The following SNX20 variants were observed in gnomAD, a reference collection of about 807,000 sequenced individuals.
SNX20 encodes sorting nexin-20.
SNX20 carries 21 observed loss-of-function variants against 24.5 expected under a neutral mutation model. The observed-to-expected ratio is 0.86, with a 90% CI of 0.61 to 1.23. The LOEUF is 1.23. Among genes scored for constraint, SNX20 ranks in the 50% most tolerant of loss-of-function variants. The probability of loss-of-function intolerance (pLI) is 0.00; values close to 1 mark genes in which losing one functional copy is unlikely to be tolerated. For missense variants in SNX20, 433 were observed against 430.8 expected, an observed-to-expected ratio of 1.00 and a Z score of -0.04; for synonymous variants, 206 against 192.8, an observed-to-expected ratio of 1.07 and a Z score of -0.57.
intron 2 of SNX20, 121 bp downstream of exon 2, chr16:50,677,276 G>T: frequency 2.3e-6 from 3 of 1,318,892 alleles, no homozygotes; most frequent in South Asian, 1.6e-5. Context: ...GTCTGTTTTG[G>T]GATAACCCAA....
downstream of SNX20, chr16:50,668,307 C>T: frequency 7.4e-7 from 1 of 1,359,158 alleles, no homozygotes; most frequent in Non-Finnish European, 9.6e-7. Flanking sequence ...GAAGTCTCAG[C>T]TTGGTGATTG....
downstream of SNX20, chr16:50,667,668 T>A: frequency 3.0e-6 from 1 of 335,036 alleles, no homozygotes; most frequent in Non-Finnish European, 5.6e-6. Flanking sequence ...GCTGGGGACA[T>A]GTTGGGAGTC....
intron 2 of SNX20, among the ~76,000 whole-genome samples, chr16:50,676,514 T>G (rs143033081): frequency 1.8e-4 from 28 of 152,284 alleles, no homozygotes; most frequent in African/African-American, 6.3e-4. Context: ...TAAACCCCAC[T>G]TGAGCCCTGC....
rs72303410 is a variant in SNX20 at position 50,672,496 on chromosome 16, CGTGTGTGTGTGTGTGTGTGTGTGT to C, written c.*886_*909del. ...CAAAAGGATGGCATACAACTCCCACCGTGTGTGTGTGTGTGTGTGTGTGTGTGTGTGTGTGTGTGTGTGTAGAGG... is the reference window on the plus strand; with the variant it reads ...CAAAAGGATGGCATACAACTCCCACCGTGTGTGTGTGTGTGTGTGTAGAGG... On this transcript the variant is annotated 3_prime_UTR_variant, in exon 4 of 4. Coordinates refer to ENST00000330943, the MANE Select transcript of SNX20 (RefSeq NM_182854.4). 1 of 137,986 alleles carries C rather than the reference CGTGTGTGTGTGTGTGTGTGTGTGT, an allele frequency of 7.2e-6. No homozygotes were observed. Among genetic ancestry groups the C allele is most frequent in the African/African-American group, 2.8e-5 (1 of 35,942 alleles). 8.5% of individuals were successfully genotyped at this position (137,986 alleles called of 1,614,324 possible).
At chr16:50,666,406 C>T (rs1361793742) in exon 4 of SNX20, 3 of 152,154 alleles carry the variant, frequency 2.0e-5, no homozygotes, top group African/African-American at 4.8e-5. Flanking sequence ...GAAATGCCAC[C>T]GTTAGAAGTT....
chr16:50,668,361 T>G, downstream of SNX20: 2 of 1,119,566 alleles, frequency 1.8e-6, no homozygotes, highest in Non-Finnish European at 2.3e-6. Flanking sequence ...TCTCTCTCTT[T>G]TAACAAAAGT....
rs181261871 is a variant in SNX20 at position 50,673,303 on chromosome 16, A to G, written c.*103T>C. The G allele has an allele frequency of 1.1e-5, 15 of 1,396,334 alleles. No individual in the cohort carries two copies. In the African/African-American group the frequency reaches 1.5e-4, roughly 14 times the overall value. 86.5% of individuals were successfully genotyped at this position (1,396,334 alleles called of 1,614,324 possible). A position where few individuals can be genotyped will look rare whatever the true frequency, so the allele number is the denominator to read the frequency against. On this transcript the variant is annotated 3_prime_UTR_variant, in exon 4 of 4. Coordinates refer to ENST00000330943, the MANE Select transcript of SNX20 (RefSeq NM_182854.4). This position sits in a 1 kb window ranked among gnomAD's most constrained non-coding sequence, Gnocchi z 4.1. Reference sequence around the variant, plus strand: ...GTGACAGAGCAAGACTGTCTCAAATAACAAAAAAGAAAAGGAAAAATAAAA... The same window carrying G: ...GTGACAGAGCAAGACTGTCTCAAATGACAAAAAAGAAAAGGAAAAATAAAA...
chr16:50,669,984 G>A (rs1963005286), downstream of SNX20: 1 of 152,214 alleles, frequency 6.6e-6, no homozygotes, highest in Admixed American at 6.5e-5. Context: ...AGGGGACAGG[G>A]TCTCATGAGG....
intron 3 of SNX20, among the ~76,000 whole-genome samples, 191 bp downstream of exon 3, chr16:50,675,579 C>G (rs551780722): frequency 6.6e-6 from 1 of 152,250 alleles, no homozygotes; most frequent in East Asian, 1.9e-4. Context: ...TTATATGGTT[C>G]GAATCCTCAC....
rs758294319 is a variant in SNX20 at position 50,675,925 on chromosome 16, G to A, written c.131-4C>T. The A allele has an allele frequency of 3.1e-6, 5 of 1,602,010 alleles. 1 individual carries two copies. The South Asian group carries it at 5.6e-5, about 18-fold the overall frequency. ...GAGCTCAGGCCACTGTGTGTGTCTGGAAGGACAACACCCTTAAGGATCTGC... is the reference window on the plus strand; with the variant it reads ...GAGCTCAGGCCACTGTGTGTGTCTGAAAGGACAACACCCTTAAGGATCTGC... On this transcript the variant is annotated splice_region_variant and splice_polypyrimidine_tract_variant and intron_variant, in intron 2 of 3. Transcript: ENST00000330943.
Position 50,674,221 on chromosome 16 carries a change from G to A in SNX20, c.283-147C>T, listed in dbSNP as rs200811447. 1.4e-5 allele frequency: 13 copies of A among 914,890 alleles called. No individual in the cohort carries two copies. In the East Asian group the frequency reaches 2.4e-4, roughly 17 times the overall value. The allele number at this position is 914,890 out of a possible 1,614,324, so 56.7% of individuals were successfully genotyped here. On this transcript the variant is annotated intron_variant, in intron 3 of 3. Coordinates refer to ENST00000330943, the MANE Select transcript of SNX20 (RefSeq NM_182854.4). ...TATGCAATTGTTTGTTTGTTTGTTT[G>A]TTTGTTTGTTTATTTATTTATTTAT... is the stretch of plus-strand genomic sequence containing the variant.
rs542512516 is a variant in SNX20 at position 50,676,729 on chromosome 16, T to C, written c.130+668A>G. Among the ~76,000 whole-genome samples the C allele has an allele frequency of 3.3e-5, 5 of 152,372 alleles. No individual in the cohort carries two copies. The East Asian group carries it at 9.6e-4, about 29-fold the overall frequency. On this transcript the variant is annotated intron_variant, in intron 2 of 3. Coordinates refer to ENST00000330943, the MANE Select transcript of SNX20 (RefSeq NM_182854.4). Reference sequence around the variant, plus strand: ...ATTTCTCGTGGCACGTGTAACTGTTTCTCACTGATCTGTTTCTCTACCAAA... The same window carrying C: ...ATTTCTCGTGGCACGTGTAACTGTTCCTCACTGATCTGTTTCTCTACCAAA...
intron 2 of SNX20, among the ~76,000 whole-genome samples, chr16:50,676,242 C>A (rs1209099785): frequency 2.0e-5 from 3 of 151,806 alleles, no homozygotes; most frequent in Non-Finnish European, 1.5e-5. Flanking sequence ...GAAATCCCTG[C>A]TCTGGACAAG....
chr16:50,669,219 C>T (rs1962984650), downstream of SNX20: 3 of 761,254 alleles, frequency 3.9e-6, no homozygotes, highest in Non-Finnish European at 2.3e-6. Flanking sequence ...TAAAGGAATA[C>T]CTGAGGTTGG....
rs571228778 is a variant in SNX20, at chr16:50,676,852, G to A, written c.130+545C>T. 3.0e-4 allele frequency among the ~76,000 whole-genome samples: 46 copies of A among 152,344 alleles called. 1 individual carries two copies. Among genetic ancestry groups the A allele is most frequent in the African/African-American group, 1.1e-3 (44 of 41,582 alleles). On this transcript the variant is annotated intron_variant, in intron 2 of 3. Transcript: ENST00000330943. ...GAGCAGGTATTGAATAGGGCATCTC[G>A]AAGGACTGTAAGAAAAGATCTGTTC...
Position 50,675,838 on chromosome 16 carries a change from T to G in SNX20, c.214A>C (p.Lys72Gln), listed in dbSNP as rs1963168767. Reference sequence around the variant, plus strand: ...ATCTCAAAGAGCAGTTTGACGTGCTTCCAGCGGCATTTCTGGTTCTGCCAG... The same window carrying G: ...ATCTCAAAGAGCAGTTTGACGTGCTGCCAGCGGCATTTCTGGTTCTGCCAG... ...QYWQNQKCRW[K>Q]HVKLLFEIAS... is the part of the protein sequence containing the mutation. The change falls in exon 3 of 4, where the codon AAG becomes CAG. Residue 72 changes from lysine to glutamine, a missense_variant. Transcript: ENST00000330943. The G allele has an allele frequency of 2.4e-5, 38 of 1,613,726 alleles. No homozygotes were observed. Among genetic ancestry groups the G allele is most frequent in the Non-Finnish European group, 3.1e-5 (37 of 1,179,828 alleles).
chr16:50,676,260 G>C (rs141780775), intron 2 of SNX20, among the ~76,000 whole-genome samples: 1 of 151,798 alleles, frequency 6.6e-6, no homozygotes, highest in Non-Finnish European at 1.5e-5. Flanking sequence ...AAGCAGAGAC[G>C]GTGGCTTGTG....
At chr16:50,677,349 A>C (rs752452502) in intron 2 of SNX20, 48 bp downstream of exon 2, 3 of 1,491,994 alleles carry the variant, frequency 2.0e-6, no homozygotes, top group Non-Finnish European at 9.0e-7. Context: ...TGTACTTTGA[A>C]TGTCTTCAGA....
At chr16:50,677,883 C>T (rs1963220336) in intron 1 of SNX20, among the ~76,000 whole-genome samples, 1 of 152,160 alleles carries the variant, frequency 6.6e-6, no homozygotes, top group Non-Finnish European at 1.5e-5. Context: ...TGTCTAGATA[C>T]TCAGTTTTAT....
Sources: gnomAD v4.1 joint callset for allele counts (sites outside exome capture counted in the v4.1 genomes callset) on GRCh38, gnomAD v4.1.1 for gene constraint, Gnocchi (gnomAD v3.1) non-coding constraint, MANE v1.5 for transcripts, NCBI Gene and HGNC (gene_info 2026-07-23, HGNC 2026-07-21) for gene names.